Variants in ATG5 observed in about 807,000 individuals in gnomAD.
ATG5 encodes autophagy related 5, also known as autophagy protein 5.
Under a neutral mutation model 36.5 loss-of-function variants are expected in ATG5, and 14 were observed. That is an observed-to-expected ratio of 0.38 (90% CI 0.25 to 0.60). The LOEUF (loss-of-function observed/expected upper bound fraction) is 0.60, where lower values mean the gene tolerates loss of function less well. Among genes scored for constraint, ATG5 ranks in the 20% least tolerant of loss-of-function variants. ATG5 has a pLI of 0.60. For missense variants in ATG5, 195 were observed against 326.7 expected (o/e 0.60, Z 3.11); for synonymous variants, 95 against 101.5 (o/e 0.94, Z 0.38).
At chr6:106,295,727 C>T (rs2114637030) in intron 3 of ATG5, among the ~76,000 whole-genome samples, 1 of 152,104 alleles carries the variant, frequency 6.6e-6, no homozygotes, top group South Asian at 2.1e-4. Flanking sequence ...CTATGCCCAG[C>T]TAATTATTTT....
At chr6:106,188,370 C>T (rs1378431397) in intron 7 of ATG5, among the ~76,000 whole-genome samples, 6 of 152,078 alleles carry the variant, frequency 3.9e-5, no homozygotes, top group Admixed American at 3.9e-4. Flanking sequence ...CTACTTAGCA[C>T]TGAGTCAAAA....
intron 7 of ATG5, among the ~76,000 whole-genome samples, chr6:106,199,098 G>C (rs1392983783): frequency 1.1e-4 from 16 of 152,178 alleles, no homozygotes; most frequent in Admixed American, 1.0e-3. Context: ...TGGAGAAACT[G>C]GAATCCTTAT....
intron 5 of ATG5, among the ~76,000 whole-genome samples, chr6:106,274,735 TAGAA>T (rs1322828526): frequency 6.6e-6 from 1 of 152,184 alleles, no homozygotes; most frequent in Non-Finnish European, 1.5e-5. Context: ...CTGTTAGTAT[TAGAA>T]AGGAATAAAA....
intron 5 of ATG5, among the ~76,000 whole-genome samples, chr6:106,248,522 T>C (rs1778440428): frequency 1.3e-5 from 2 of 152,240 alleles, no homozygotes; most frequent in East Asian, 1.9e-4. Context: ...ACTTGTGTTA[T>C]CAAGGCAAAA....
chr6:106,288,671 T>C (rs1218476124), intron 4 of ATG5, among the ~76,000 whole-genome samples: 1 of 152,236 alleles, frequency 6.6e-6, no homozygotes, highest in African/African-American at 2.4e-5. Context: ...ACCTATGCAC[T>C]TGTAAGAAAT....
chr6:106,189,519 G>A (rs747790525), intron 7 of ATG5, among the ~76,000 whole-genome samples: 3 of 152,068 alleles, frequency 2.0e-5, no homozygotes, highest in Non-Finnish European at 2.9e-5. Context: ...TACTTGGGAG[G>A]CTGAGGTGGG....
rs945807256 is a variant in ATG5 at position 106,184,484 on chromosome 6, A to AT, written c.*2055dup. On this transcript the variant is annotated 3_prime_UTR_variant, in exon 8 of 8. Coordinates refer to ENST00000369076, the MANE Select transcript of ATG5 (RefSeq NM_004849.4). ...TAAAGACGGACACAACATTTATTTA[A>AT]TTTTTTAATAAACCATAAAATTTAA... 6 of 152,202 alleles carry AT rather than the reference A, an allele frequency of 3.9e-5. No homozygotes were observed. Among genetic ancestry groups the AT allele is most frequent in the African/African-American group, 1.4e-4 (6 of 41,450 alleles). 9.4% of individuals were successfully genotyped at this position (152,202 alleles called of 1,614,324 possible).
At chr6:106,270,848 T>A (rs1314029133) in intron 5 of ATG5, among the ~76,000 whole-genome samples, 5 of 152,102 alleles carry the variant, frequency 3.3e-5, no homozygotes, top group Non-Finnish European at 7.4e-5. Flanking sequence ...AACCCAGGAA[T>A]AATTCCTTCC....
At chr6:106,282,297 G>A (rs1271390038) in intron 4 of ATG5, among the ~76,000 whole-genome samples, 1 of 152,196 alleles carries the variant, frequency 6.6e-6, no homozygotes, top group East Asian at 1.9e-4. Context: ...TGCAAGCAAA[G>A]TTCCAGTCTT....
intron 2 of ATG5, among the ~76,000 whole-genome samples, chr6:106,310,947 G>A (rs561404088): frequency 6.6e-6 from 1 of 152,228 alleles, no homozygotes; most frequent in East Asian, 1.9e-4. Context: ...TTTAGCCCTA[G>A]TATAAAGTAT....
intron 4 of ATG5, among the ~76,000 whole-genome samples, chr6:106,282,005 C>T (rs1457522946): frequency 6.6e-6 from 1 of 152,096 alleles, no homozygotes; most frequent in Non-Finnish European, 1.5e-5. Flanking sequence ...TGTTTAAAAG[C>T]AACTAATAGA....
intron 5 of ATG5, among the ~76,000 whole-genome samples, chr6:106,270,520 T>G (rs1024305398): frequency 6.6e-6 from 1 of 152,254 alleles, no homozygotes; most frequent in Non-Finnish European, 1.5e-5. Context: ...CATTGCTTTG[T>G]ATGACTGTGA....
At chr6:106,199,285 C>A (rs1028151211) in intron 7 of ATG5, among the ~76,000 whole-genome samples, 22 of 152,292 alleles carry the variant, frequency 1.4e-4, no homozygotes, top group African/African-American at 5.1e-4. Flanking sequence ...CCTAGCAGCT[C>A]TGTTTATAAA....
chr6:106,292,938 TA>T, intron 4 of ATG5, 89 bp downstream of exon 4: 1 of 1,024,902 alleles, frequency 9.8e-7, no homozygotes, highest in South Asian at 1.5e-5. Flanking sequence ...GGAAAAGCAA[TA>T]AATAACTTCA....
intron 4 of ATG5, among the ~76,000 whole-genome samples, chr6:106,282,752 T>G (rs1318916347): frequency 6.6e-6 from 1 of 152,166 alleles, no homozygotes; most frequent in Non-Finnish European, 1.5e-5. Flanking sequence ...TTTCTGTATC[T>G]ATTGATTTTT....
chr6:106,292,162 T>A (rs562181200), intron 4 of ATG5, among the ~76,000 whole-genome samples: 3 of 152,328 alleles, frequency 2.0e-5, no homozygotes, highest in South Asian at 4.1e-4. Flanking sequence ...TTCAAGCACC[T>A]GAGACCAACA....
In ATG5 at chr6:106,251,701, AAG is replaced by A. The variant is rs562112269; in HGVS notation, c.479-3459_479-3458del. On this transcript the variant is annotated intron_variant, in intron 5 of 7. Transcript: ENST00000369076. ...GGAGAGAAAGAAAGACAGAAAAAGA[AAG>A]AGAAAAAGAAAGAAAGAAAGAGAAA... 1.9e-4 allele frequency among the ~76,000 whole-genome samples: 20 copies of A among 106,816 alleles called. No homozygotes were observed. The South Asian group carries it at 5.3e-3, about 28-fold the overall frequency. The allele number at this position is 106,816 out of a possible 152,430, so 70.1% of individuals were successfully genotyped here.
At chr6:106,213,921 G>T (rs774689589) in intron 6 of ATG5, among the ~76,000 whole-genome samples, 1 of 152,094 alleles carries the variant, frequency 6.6e-6, no homozygotes, top group Non-Finnish European at 1.5e-5. Context: ...ACCAAGAAAG[G>T]TAACAGTATT....
intron 6 of ATG5, among the ~76,000 whole-genome samples, chr6:106,221,736 T>G (rs917234169): frequency 6.6e-6 from 1 of 151,438 alleles, no homozygotes; most frequent in Non-Finnish European, 1.5e-5. Context: ...ACTGATCACT[T>G]GAGGTCCAAC....
Sources: gnomAD v4.1 joint callset for allele counts (sites outside exome capture counted in the v4.1 genomes callset) on GRCh38, gnomAD v4.1.1 for gene constraint, MANE v1.5 for transcripts, NCBI Gene and HGNC (gene_info 2026-07-23, HGNC 2026-07-21) for gene names.